Variants in CFAP47 observed in about 807,000 individuals in gnomAD.
CFAP47 encodes the protein cilia- and flagella-associated protein 47.
Under a neutral mutation model 148.1 loss-of-function variants are expected in CFAP47, and 29 were observed. The observed-to-expected ratio is 0.20, with a 90% CI of 0.15 to 0.27. The LOEUF is 0.27. CFAP47 is among the 10% of genes least tolerant of loss of function. CFAP47 has a pLI of 1.00. For synonymous variants in CFAP47, 664 were observed against 577.3 expected (o/e 1.15, Z -2.15); for missense variants, 1,872 against 1,697.5 (o/e 1.10, Z -1.81).
At chrX:35,955,844 A>G (rs745344430) in intron 7 of CFAP47, 117 bp from the exon 8 acceptor site, 1 of 1,025,875 alleles carries the variant, frequency 9.7e-7, no homozygotes, top group African/African-American at 1.9e-5. Context: ...TTGAATGAAA[A>G]GATTGAATGA....
intron 50 of CFAP47, among the ~76,000 whole-genome samples, chrX:36,282,604 G>A (rs1213737385): frequency 9.0e-6 from 1 of 111,126 alleles, no homozygotes; most frequent in African/African-American, 3.3e-5. Context: ...TTTAAAGACT[G>A]CTCCACAGTG....
At chrX:36,102,772 C>A (rs913208141) in intron 32 of CFAP47, among the ~76,000 whole-genome samples, 1 of 111,338 alleles carries the variant, frequency 9.0e-6, no homozygotes, top group Non-Finnish European at 1.9e-5. Flanking sequence ...TGATGGGGGT[C>A]CTTTTCAAAG....
chrX:36,383,197 A>G (rs1556024487), intron 63 of CFAP47, among the ~76,000 whole-genome samples: 1 of 112,118 alleles, frequency 8.9e-6, no homozygotes, highest in Non-Finnish European at 1.9e-5. Flanking sequence ...ATTTCAATAA[A>G]TGTAATTGGG....
intron 24 of CFAP47, among the ~76,000 whole-genome samples, chrX:36,037,380 G>GTT (rs200757134): frequency 9.1e-6 from 1 of 109,320 alleles, no homozygotes; most frequent in African/African-American, 3.4e-5. Flanking sequence ...TGTTGTTGTT[G>GTT]GAGATGGAGT....
At chrX:36,074,559 C>G (rs1236408162) in intron 29 of CFAP47, among the ~76,000 whole-genome samples, 1 of 111,292 alleles carries the variant, frequency 9.0e-6, no homozygotes, top group Non-Finnish European at 1.9e-5. Flanking sequence ...TCTTCATAAA[C>G]ATATTTTGGG....
chrX:36,186,201 CA>C (rs1463348483), intron 40 of CFAP47, among the ~76,000 whole-genome samples: 1 of 110,983 alleles, frequency 9.0e-6, no homozygotes, highest in South Asian at 3.8e-4. Context: ...ATTTGGTGAC[CA>C]AATCATAGAT....
chrX:36,132,057 C>G (rs762808570), intron 33 of CFAP47, among the ~76,000 whole-genome samples: 51 of 111,026 alleles, frequency 4.6e-4, no homozygotes, highest in African/African-American at 1.6e-3. Context: ...TTATAGTCAT[C>G]TAACATAAAA....
chrX:36,371,882 GTGTGCATATACACACA>G (rs1424013764), intron 62 of CFAP47, among the ~76,000 whole-genome samples: 1 of 86,407 alleles, frequency 1.2e-5, no homozygotes, highest in Non-Finnish European at 2.3e-5. Context: ...GTGTATATAT[GTGTGCATATACACACA>G]TGTGTATATA....
chrX:36,120,861 ACTGT>A (rs1412448244), intron 33 of CFAP47, among the ~76,000 whole-genome samples: 2 of 110,653 alleles, frequency 1.8e-5, no homozygotes, highest in Non-Finnish European at 3.8e-5. Context: ...ATGTTCTGTA[ACTGT>A]CTATTAGGTC....
At chrX:36,369,048 G>C (rs1941905759) in intron 62 of CFAP47, among the ~76,000 whole-genome samples, 3 of 111,083 alleles carry the variant, frequency 2.7e-5, no homozygotes, top group Non-Finnish European at 5.7e-5. Flanking sequence ...CTAAGATTCT[G>C]TTAGATGTTT....
At chrX:35,976,680 A>G (rs978580033) in intron 15 of CFAP47, among the ~76,000 whole-genome samples, 3 of 111,670 alleles carry the variant, frequency 2.7e-5, no homozygotes, top group Non-Finnish European at 5.6e-5. Context: ...TTAGATAATG[A>G]TGATAATCTG....
chrX:36,171,076 T>C (rs1206074889), intron 39 of CFAP47, among the ~76,000 whole-genome samples: 46 of 111,447 alleles, frequency 4.1e-4, no homozygotes, highest in Middle Eastern at 4.6e-3. Flanking sequence ...CATGTGTTTT[T>C]TGGCTGCATA....
At chrX:36,065,514 A>C (rs1391691185) in intron 26 of CFAP47, 129 bp from the exon 27 acceptor site, 2 of 441,852 alleles carry the variant, frequency 4.5e-6, no homozygotes, top group Non-Finnish European at 7.9e-6. Context: ...TTAAAAAAAC[A>C]AAGTAAGTAG....
chrX:36,381,774 T>C (rs1040962874), intron 63 of CFAP47, among the ~76,000 whole-genome samples: 2 of 110,751 alleles, frequency 1.8e-5, no homozygotes, highest in Non-Finnish European at 3.8e-5. Flanking sequence ...ATCAGAATTA[T>C]CTAACATAAA....
chrX:36,032,490 G>A (rs1358868442), intron 23 of CFAP47, among the ~76,000 whole-genome samples: 1 of 110,736 alleles, frequency 9.0e-6, no homozygotes, highest in Non-Finnish European at 1.9e-5. Flanking sequence ...GTAATTAAAG[G>A]ATATTGTCTA....
intron 57 of CFAP47, among the ~76,000 whole-genome samples, chrX:36,337,054 A>G (rs782413903): frequency 8.9e-6 from 1 of 112,198 alleles, no homozygotes; most frequent in Non-Finnish European, 1.9e-5. Context: ...TAGATTTGTA[A>G]TTATGATTTA....
chrX:36,224,911 G>A (rs925786652), intron 45 of CFAP47, among the ~76,000 whole-genome samples: 8 of 111,847 alleles, frequency 7.2e-5, no homozygotes, highest in Non-Finnish European at 1.5e-4. Flanking sequence ...CCTATTCTAG[G>A]ATCTGAACAT....
intron 26 of CFAP47, among the ~76,000 whole-genome samples, chrX:36,052,698 A>G (rs1318223491): frequency 1.8e-5 from 2 of 112,512 alleles, no homozygotes; most frequent in East Asian, 2.8e-4. Context: ...CTTTTGCTGC[A>G]TAATAAAGCT....
In CFAP47 at chrX:36,108,764, G is replaced by A. The variant is rs1419659947; in HGVS notation, c.5320+4073G>A. ...CTTTTGCACATTATACTTCAGCGCT[G>A]TAAACTATTGATTGGCTGCTGCTTC... On this transcript the variant is annotated intron_variant, in intron 33 of 63. Coordinates refer to ENST00000378653, the MANE Select transcript of CFAP47 (RefSeq NM_001304548.2). Among the ~76,000 whole-genome samples the A allele has an allele frequency of 3.7e-5, 4 of 106,934 alleles. No homozygotes were observed. In the Admixed American group the frequency reaches 4.0e-4, roughly 11 times the overall value. The allele number at this position is 106,934 out of a possible 115,157, so 92.9% of individuals were successfully genotyped here. A position where few individuals can be genotyped will look rare whatever the true frequency, so the allele number is the denominator to read the frequency against.
Sources: allele counts gnomAD v4.1 joint callset (sites outside exome capture counted in the v4.1 genomes callset), GRCh38; gene constraint gnomAD v4.1.1; transcripts MANE v1.5; gene names NCBI Gene and HGNC (gene_info 2026-07-23, HGNC 2026-07-21).